FTO: variants seen among roughly 807,000 people sequenced by gnomAD.
The protein encoded by FTO is FTO alpha-ketoglutarate dependent dioxygenase.
FTO carries 47 observed loss-of-function variants against 63.9 expected under a neutral mutation model. That is an observed-to-expected ratio of 0.74 (90% confidence interval 0.58 to 0.94). The LOEUF is 0.94. Among genes scored for constraint, FTO ranks in the 40% least tolerant of loss-of-function variants. The probability of loss-of-function intolerance (pLI) is 0.00; values close to 1 mark genes in which losing one functional copy is unlikely to be tolerated. For missense variants in FTO, 562 were observed against 618.1 expected (o/e 0.91, Z 0.96); for synonymous variants, 207 against 224.4 (o/e 0.92, Z 0.69).
In FTO at chr16:53,739,474, A is replaced by G. The variant is rs536567570; in HGVS notation, c.45+35245A>G. ...TGTGATCCGCCCGCCTTGGCCTCCC[A>G]AAGTGCTGGGATTACAGGTGTGAGC... On this transcript the variant is annotated intron_variant, in intron 1 of 8. Transcript: ENST00000471389. Among the ~76,000 whole-genome samples, 6 of 151,296 alleles carry G rather than the reference A, an allele frequency of 4.0e-5. No individual in the cohort carries two copies. In the East Asian group the frequency reaches 1.2e-3, roughly 30 times the overall value.
At chr16:53,898,379 G>C (rs1391778111) in intron 7 of FTO, among the ~76,000 whole-genome samples, 1 of 152,066 alleles carries the variant, frequency 6.6e-6, no homozygotes, top group Non-Finnish European at 1.5e-5. Context: ...CACTTTCTTG[G>C]AGAGAGTTGC....
chr16:53,836,542 A>C (rs1475646037), intron 3 of FTO, among the ~76,000 whole-genome samples: 2 of 152,196 alleles, frequency 1.3e-5, no homozygotes, highest in African/African-American at 4.8e-5. Flanking sequence ...TGTACTATTC[A>C]GTTACATTGT....
intron 7 of FTO, among the ~76,000 whole-genome samples, chr16:53,901,804 T>G (rs1206934391): frequency 6.6e-6 from 1 of 152,214 alleles, no homozygotes; most frequent in East Asian, 1.9e-4. Flanking sequence ...TTATTACTTC[T>G]AAGGCACAAG....
chr16:54,065,182 G>C (rs1225989266), intron 8 of FTO, among the ~76,000 whole-genome samples: 1 of 139,008 alleles, frequency 7.2e-6, no homozygotes, highest in Non-Finnish European at 1.6e-5. Flanking sequence ...TTTTGACCTG[G>C]GGTCTTGCTC....
At chr16:53,763,288 G>T (rs548437485) in intron 1 of FTO, among the ~76,000 whole-genome samples, 1 of 152,228 alleles carries the variant, frequency 6.6e-6, no homozygotes, top group South Asian at 2.1e-4. Context: ...AGATTTCATG[G>T]TGTCATCTAA....
intron 8 of FTO, among the ~76,000 whole-genome samples, chr16:54,074,452 T>C (rs2085938894): frequency 6.6e-6 from 1 of 152,182 alleles, no homozygotes; most frequent in African/African-American, 2.4e-5. Flanking sequence ...TACTTGTATA[T>C]ATACTTTTTA....
intron 6 of FTO, 127 bp from the exon 7 acceptor site, chr16:53,888,705 A>C (rs1345154797): frequency 2.5e-5 from 25 of 999,304 alleles, no homozygotes; most frequent in Non-Finnish European, 3.7e-5. Flanking sequence ...GGTTAGGCTG[A>C]CCTTTCTCAC....
At chr16:53,954,278 G>T (rs1032934360) in intron 8 of FTO, among the ~76,000 whole-genome samples, 8 of 152,280 alleles carry the variant, frequency 5.3e-5, no homozygotes, top group African/African-American at 1.9e-4. Context: ...GTGGAACAAA[G>T]AAATAATCTT....
At chr16:54,072,864 T>G (rs1440852421) in intron 8 of FTO, among the ~76,000 whole-genome samples, 3 of 152,194 alleles carry the variant, frequency 2.0e-5, no homozygotes, top group Non-Finnish European at 4.4e-5. Flanking sequence ...CATCTGCCAC[T>G]GGACATACAT....
chr16:53,818,898 C>T (rs1368944667), intron 2 of FTO, among the ~76,000 whole-genome samples: 1 of 151,958 alleles, frequency 6.6e-6, no homozygotes, highest in Non-Finnish European at 1.5e-5. Context: ...GATGAATATT[C>T]TTATAATCTT....
At position 53,784,991 on chromosome 16, in the gene FTO, G is replaced by A. The variant is rs191852315; in HGVS notation, c.46-25149G>A. On this transcript the variant is annotated intron_variant, in intron 1 of 8. Transcript: ENST00000471389. ...TGGGAAACAAGTTTTTTTCTTAGAG[G>A]AGTGGCAAATAGTAAGTAGCATTTG... Among the ~76,000 whole-genome samples, 27 of 152,142 alleles carry A rather than the reference G, an allele frequency of 1.8e-4. No homozygotes were observed. The East Asian group carries it at 4.0e-3, about 23-fold the overall frequency.
At chr16:53,831,794 C>T (rs1211753538) in intron 3 of FTO, among the ~76,000 whole-genome samples, 2 of 151,804 alleles carry the variant, frequency 1.3e-5, no homozygotes, top group South Asian at 2.1e-4. Context: ...AGCACATAGG[C>T]GGGAAGATAG....
At chr16:53,860,582 C>T (rs2151852818) in intron 4 of FTO, among the ~76,000 whole-genome samples, 2 of 152,290 alleles carry the variant, frequency 1.3e-5, no homozygotes, top group South Asian at 4.1e-4. Flanking sequence ...GCCAGCCCTT[C>T]ACATGCCCGG....
chr16:53,961,339 A>G (rs538365202), intron 8 of FTO, among the ~76,000 whole-genome samples: 32 of 152,320 alleles, frequency 2.1e-4, no homozygotes, highest in African/African-American at 7.0e-4. Context: ...TATTAAAGCT[A>G]GTAGCAGCAT....
chr16:53,860,297 G>A (rs957032718), intron 4 of FTO, among the ~76,000 whole-genome samples: 14 of 152,216 alleles, frequency 9.2e-5, no homozygotes, highest in South Asian at 2.1e-4. Flanking sequence ...AGAGTTGAAT[G>A]TGGTTTCCAA....
chr16:53,916,586 C>T (rs762701937), intron 7 of FTO, among the ~76,000 whole-genome samples: 6 of 152,282 alleles, frequency 3.9e-5, no homozygotes, highest in South Asian at 2.1e-4. Flanking sequence ...AGAGAAGCTA[C>T]GATTCTGCTG....
rs557140155 is a variant in FTO at position 54,048,126 on chromosome 16, T to A, written c.1365-63636T>A. Among the ~76,000 whole-genome samples, 286 of 56,136 alleles carry A rather than the reference T, an allele frequency of 5.1e-3. 1 individual carries two copies. The highest frequency in any genetic ancestry group is 8.2e-3 in the Middle Eastern group (1 of 122). The allele number at this position is 56,136 out of a possible 152,430, so 36.8% of individuals were successfully genotyped here. A position where few individuals can be genotyped will look rare whatever the true frequency, so the allele number is the denominator to read the frequency against. The stretch of plus-strand genomic sequence containing the variant: ...TTAGAGTATAATAAAAAAAAAAAAT[T>A]AAAAAAAAAAAAAAAAGAATTTCCC... On this transcript the variant is annotated intron_variant, in intron 8 of 8. Transcript: ENST00000471389.
chr16:53,858,892 C>G (rs1048288004), intron 4 of FTO, among the ~76,000 whole-genome samples: 1 of 152,134 alleles, frequency 6.6e-6, no homozygotes, highest in African/African-American at 2.4e-5. Flanking sequence ...ATCTCTTGAC[C>G]TCATGATCCG....
chr16:53,820,586 A>G (rs9928425), intron 2 of FTO, among the ~76,000 whole-genome samples: 125,311 of 150,992 alleles, frequency 0.83, 52,337 homozygotes, highest in East Asian at 1. Context: ...CCACTAACTC[A>G]TCATCTAGCT....
Sources: allele counts gnomAD v4.1 joint callset (sites outside exome capture counted in the v4.1 genomes callset), GRCh38; gene constraint gnomAD v4.1.1; transcripts MANE v1.5; gene names NCBI Gene and HGNC (gene_info 2026-07-23, HGNC 2026-07-21).